LDLRAD4: variants seen among roughly 807,000 people sequenced by gnomAD.
LDLRAD4 encodes the protein low density lipoprotein receptor class A domain containing 4.
In LDLRAD4, 5 loss-of-function variants were observed where a neutral mutation model predicts 17.0. That is an observed-to-expected ratio of 0.29 (90% confidence interval 0.15 to 0.62). LDLRAD4 has a LOEUF of 0.62. Among genes scored for constraint, LDLRAD4 ranks in the 20% least tolerant of loss-of-function variants. The probability of loss-of-function intolerance (pLI) is 0.84; values close to 1 mark genes in which losing one functional copy is unlikely to be tolerated. For missense variants in LDLRAD4, 340 were observed against 424.7 expected, an observed-to-expected ratio of 0.80 and a Z score of 1.75; for synonymous variants, 168 against 171.8, an observed-to-expected ratio of 0.98 and a Z score of 0.17.
chr18:13,558,532 C>G (rs1161791371), intron 3 of LDLRAD4, among the ~76,000 whole-genome samples: 1 of 152,210 alleles, frequency 6.6e-6, no homozygotes, highest in African/African-American at 2.4e-5. Flanking sequence ...TAGCTGTAAC[C>G]CGAAGAATTG....
At position 13,548,666 on chromosome 18, in the gene LDLRAD4, C is replaced by T. The variant is rs141121187; in HGVS notation, c.182-72451C>T. On this transcript the variant is annotated intron_variant, in intron 3 of 5. Coordinates refer to ENST00000359446, the Ensembl canonical transcript of LDLRAD4. ...GGTGGTTTCTGGGCCTCCAAGAGTC[C>T]AGGGGTGCAGGGATGCCCATGTCCA... 3.2e-3 allele frequency among the ~76,000 whole-genome samples: 481 copies of T among 152,330 alleles called. 3 individuals carry two copies. Among genetic ancestry groups the T allele is most frequent in the African/African-American group, 0.01 (436 of 41,586 alleles).
intron 1 of LDLRAD4, among the ~76,000 whole-genome samples, chr18:13,324,206 C>G (rs1288763600): frequency 1.3e-5 from 2 of 150,636 alleles, no homozygotes; most frequent in Admixed American, 6.6e-5. Context: ...GGCACGATCT[C>G]GGCTCACTGC....
At chr18:13,483,605 C>T (rs1266195889) in intron 3 of LDLRAD4, among the ~76,000 whole-genome samples, 1 of 152,202 alleles carries the variant, frequency 6.6e-6, no homozygotes, top group Non-Finnish European at 1.5e-5. Flanking sequence ...AGGCTTCTGG[C>T]CCCTAGTCGG....
intron 1 of LDLRAD4, among the ~76,000 whole-genome samples, chr18:13,328,893 A>G (rs549663734): frequency 1.1e-4 from 17 of 152,332 alleles, no homozygotes; most frequent in African/African-American, 3.8e-4. Flanking sequence ...TAAACATAAA[A>G]ATATTATTTA....
At chr18:13,374,499 C>T (rs183588301) in intron 1 of LDLRAD4, among the ~76,000 whole-genome samples, 21 of 152,360 alleles carry the variant, frequency 1.4e-4, no homozygotes, top group East Asian at 3.9e-4. Flanking sequence ...GGCCCTGCCC[C>T]GGACCTGCTG....
chr18:13,457,762 G>A (rs1192069097), intron 3 of LDLRAD4, among the ~76,000 whole-genome samples: 4 of 152,180 alleles, frequency 2.6e-5, no homozygotes, highest in Non-Finnish European at 5.9e-5. Context: ...CCTCTGCTGT[G>A]AAGGCGGCTC....
chr18:13,465,266 G>A (rs2092576173), intron 3 of LDLRAD4, among the ~76,000 whole-genome samples: 1 of 152,346 alleles, frequency 6.6e-6, no homozygotes, highest in Admixed American at 6.5e-5. Context: ...TTACCAAACA[G>A]CACGCCCTCT....
chr18:13,601,526 C>T (rs8083494), intron 3 of LDLRAD4, among the ~76,000 whole-genome samples: 3,392 of 151,878 alleles, frequency 0.022, 115 homozygotes, highest in African/African-American at 0.077. Context: ...TGGTGGCGGG[C>T]GCCTGTAGTC....
intron 3 of LDLRAD4, chr18:13,515,154 C>T (rs556493170): frequency 1.3e-5 from 2 of 152,318 alleles, no homozygotes; most frequent in East Asian, 1.9e-4. Flanking sequence ...TCTCGATAGG[C>T]TTGGGTTCTG....
At chr18:13,279,674 A>G (rs1477922353) in intron 1 of LDLRAD4, 1 of 152,248 alleles carries the variant, frequency 6.6e-6, no homozygotes, top group Non-Finnish European at 1.5e-5. Flanking sequence ...AAAATTGGTA[A>G]TGGAAAACTT....
intron 1 of LDLRAD4, among the ~76,000 whole-genome samples, chr18:13,248,402 C>T (rs2043072796): frequency 6.6e-6 from 1 of 152,254 alleles, no homozygotes; most frequent in African/African-American, 2.4e-5. Context: ...CAGTGTCCTC[C>T]TTTGCCCTGG....
At chr18:13,362,995 A>G (rs949228669) in intron 1 of LDLRAD4, among the ~76,000 whole-genome samples, 4 of 152,120 alleles carry the variant, frequency 2.6e-5, no homozygotes, top group African/African-American at 9.7e-5. Context: ...CAGGTTAGTC[A>G]TAAAAATGCC....
At chr18:13,270,309 G>A (rs1385835471) in intron 1 of LDLRAD4, among the ~76,000 whole-genome samples, 2 of 151,748 alleles carry the variant, frequency 1.3e-5, no homozygotes, top group Non-Finnish European at 2.9e-5. Flanking sequence ...AGCCTGCTAT[G>A]AGCTGTGATG....
intron 3 of LDLRAD4, among the ~76,000 whole-genome samples, chr18:13,594,806 A>C (rs2095075317): frequency 6.6e-6 from 1 of 152,028 alleles, no homozygotes; most frequent in South Asian, 2.1e-4. Context: ...ATTGGTGGAG[A>C]ATTAGTATTA....
rs996146400 is a variant in LDLRAD4 at position 13,619,515 on chromosome 18, C to T, written c.182-1602C>T. On this transcript the variant is annotated intron_variant, in intron 3 of 5. Coordinates refer to ENST00000359446, the Ensembl canonical transcript of LDLRAD4. ...GTGTGTGTGGGTGGGGGGGTGGGGC[C>T]GGGGGGGGGCGGGGGTGGCACATAT... Among the ~76,000 whole-genome samples, 16 of 47,836 alleles carry T rather than the reference C, an allele frequency of 3.3e-4. No homozygotes were observed. In the South Asian group the frequency reaches 3.8e-3, roughly 11 times the overall value. The allele number at this position is 47,836 out of a possible 152,430, so 31.4% of individuals were successfully genotyped here.
chr18:13,650,230 A>G, exon 6 of LDLRAD4: 1 of 403,000 alleles, frequency 2.5e-6, no homozygotes, highest in Non-Finnish European at 4.4e-6. Context: ...TGTTACTGCC[A>G]GGGTCAGACA....
chr18:13,425,505 T>C (rs1482760208), intron 2 of LDLRAD4, among the ~76,000 whole-genome samples: 1 of 152,156 alleles, frequency 6.6e-6, no homozygotes, highest in Admixed American at 6.5e-5. Context: ...GTCAGCCTAC[T>C]GGGGCACTTC....
rs942967551 is a variant in LDLRAD4 at position 13,295,923 on chromosome 18, C to A, written c.-383+17735C>A. On this transcript the variant is annotated intron_variant, in intron 1 of 5. Coordinates refer to ENST00000359446, the Ensembl canonical transcript of LDLRAD4. ...AATTTGTAAAGTTGGAGCTTTGGGA[C>A]TCCCAAGTACCCTGGAAGATCACTG... 5.9e-5 allele frequency among the ~76,000 whole-genome samples: 9 copies of A among 152,314 alleles called. No homozygotes were observed. The South Asian group carries it at 8.3e-4, about 14-fold the overall frequency.
chr18:13,426,498 C>T (rs969087182), intron 2 of LDLRAD4, among the ~76,000 whole-genome samples: 8 of 151,752 alleles, frequency 5.3e-5, no homozygotes, highest in South Asian at 2.1e-4. Context: ...TGCCCAGTAG[C>T]GGGGCTGGTT....
Sources: allele counts gnomAD v4.1 joint callset (sites outside exome capture counted in the v4.1 genomes callset), GRCh38; gene constraint gnomAD v4.1.1; transcripts MANE v1.5; gene names NCBI Gene and HGNC (gene_info 2026-07-23, HGNC 2026-07-21).